The following MTHFD2L variants were observed in gnomAD, a reference collection of about 807,000 sequenced individuals.
The protein encoded by MTHFD2L is methylenetetrahydrofolate dehydrogenase (NADP+ dependent) 2 like, also known as bifunctional methylenetetrahydrofolate dehydrogenase/cyclohydrolase 2, mitochondrial.
Under a neutral mutation model 34.9 loss-of-function variants are expected in MTHFD2L, and 29 were observed. The observed-to-expected ratio is 0.83, with a 90% CI of 0.62 to 1.13. MTHFD2L has a LOEUF of 1.13. Ranked by LOEUF, MTHFD2L falls within the 50% of genes most tolerant of loss-of-function variation. The pLI, the probability that MTHFD2L is intolerant of heterozygous loss-of-function variation, is 0.00. For synonymous variants in MTHFD2L, 167 were observed against 155.7 expected (o/e 1.07, Z -0.54); for missense variants, 481 against 446.5 (o/e 1.08, Z -0.70).
chr4:74,197,171 T>C (rs534417325), intron 3 of MTHFD2L, among the ~76,000 whole-genome samples: 4 of 152,226 alleles, frequency 2.6e-5, no homozygotes, highest in South Asian at 4.2e-4. Flanking sequence ...GGGTAAGATA[T>C]TAAATGGTTG....
At chr4:74,278,183 C>A (rs969676292) in intron 6 of MTHFD2L, among the ~76,000 whole-genome samples, 7 of 152,094 alleles carry the variant, frequency 4.6e-5, no homozygotes, top group Non-Finnish European at 8.8e-5. Context: ...GATTTCTAGA[C>A]TGATTCTAAC....
At chr4:74,286,564 A>G (rs945491506) in intron 7 of MTHFD2L, among the ~76,000 whole-genome samples, 4 of 152,268 alleles carry the variant, frequency 2.6e-5, no homozygotes, top group African/African-American at 9.6e-5. Flanking sequence ...TCTTAATTAT[A>G]CCGTTCTTAA....
intron 5 of MTHFD2L, among the ~76,000 whole-genome samples, chr4:74,208,950 C>T (rs1191251814): frequency 3.3e-5 from 5 of 152,080 alleles, no homozygotes; most frequent in African/African-American, 1.2e-4. Flanking sequence ...AAATGTCAGT[C>T]CAGTCTCCCT....
chr4:74,142,708 C>T (rs1399651229), intron 1 of MTHFD2L, among the ~76,000 whole-genome samples: 1 of 152,172 alleles, frequency 6.6e-6, no homozygotes, highest in Non-Finnish European at 1.5e-5. Flanking sequence ...CTCCAAGTAC[C>T]TCCTTTCACA....
intron 6 of MTHFD2L, among the ~76,000 whole-genome samples, chr4:74,241,131 G>A (rs923478172): frequency 6.6e-6 from 1 of 152,150 alleles, no homozygotes; most frequent in Non-Finnish European, 1.5e-5. Context: ...GCAAGAATAT[G>A]AGGGAAAGAG....
intron 6 of MTHFD2L, among the ~76,000 whole-genome samples, chr4:74,277,413 A>G (rs1379151677): frequency 1.3e-5 from 2 of 151,678 alleles, no homozygotes; most frequent in Admixed American, 6.6e-5. Context: ...TCTTTATCTC[A>G]AGATGCCCCA....
At chr4:74,180,593 A>C (rs4694183) in intron 3 of MTHFD2L, 281,332 of 331,168 alleles carry the variant, frequency 0.85, 126,322 homozygotes, top group Non-Finnish European at 0.96. Context: ...GTTTCCATGC[A>C]TCTCATTTGA....
chr4:74,115,161 TCAAA>T (rs1375686591), intron 2 of MTHFD2L, among the ~76,000 whole-genome samples: 1 of 152,240 alleles, frequency 6.6e-6, no homozygotes, highest in Non-Finnish European at 1.5e-5. Context: ...TATTTCTTCT[TCAAA>T]TATCTATCTG....
chr4:74,143,806 A>G (rs1297863116), intron 1 of MTHFD2L, among the ~76,000 whole-genome samples: 1 of 152,228 alleles, frequency 6.6e-6, no homozygotes, highest in African/African-American at 2.4e-5. Flanking sequence ...TCAATAATAT[A>G]TAACTTATGA....
chr4:74,200,325 A>G (rs1734213950), intron 4 of MTHFD2L, among the ~76,000 whole-genome samples: 1 of 151,976 alleles, frequency 6.6e-6, no homozygotes, highest in Non-Finnish European at 1.5e-5. Context: ...AACAAAACAA[A>G]ACAAACAAAA....
chr4:74,237,261 A>G (rs529534824), intron 6 of MTHFD2L, among the ~76,000 whole-genome samples: 1 of 152,256 alleles, frequency 6.6e-6, no homozygotes, highest in Admixed American at 6.5e-5. Context: ...ACCATGTCTT[A>G]TTTATATTTG....
intron 6 of MTHFD2L, among the ~76,000 whole-genome samples, chr4:74,237,851 G>C (rs1015544004): frequency 6.6e-6 from 1 of 152,152 alleles, no homozygotes; most frequent in African/African-American, 2.4e-5. Flanking sequence ...GAGAGGCAAA[G>C]AATTAACTGA....
intron 1 of MTHFD2L, among the ~76,000 whole-genome samples, chr4:74,131,723 A>G (rs1722517562): frequency 6.6e-6 from 1 of 152,242 alleles, no homozygotes; most frequent in African/African-American, 2.4e-5. Flanking sequence ...AAAAGCCAAA[A>G]TTGACAAATG....
At chr4:74,207,784 C>T (rs571465121) in intron 5 of MTHFD2L, among the ~76,000 whole-genome samples, 81 of 75,666 alleles carry the variant, frequency 1.1e-3, no homozygotes, top group African/African-American at 6.3e-3. Context: ...TTTTTTTTTG[C>T]CAGCCTGGAA....
intron 6 of MTHFD2L, among the ~76,000 whole-genome samples, chr4:74,230,465 C>T (rs1453410514): frequency 3.3e-5 from 5 of 151,710 alleles, no homozygotes; most frequent in African/African-American, 1.2e-4. Context: ...TGGTGGGTGC[C>T]TGTAATCCCA....
intron 7 of MTHFD2L, among the ~76,000 whole-genome samples, chr4:74,298,043 T>A (rs936821658): frequency 6.6e-6 from 1 of 152,022 alleles, no homozygotes; most frequent in South Asian, 2.1e-4. Context: ...CAGACACAGA[T>A]ACTCATGAAA....
chr4:74,154,346 G>C (rs1372473501), upstream of MTHFD2L, among the ~76,000 whole-genome samples: 1 of 152,108 alleles, frequency 6.6e-6, no homozygotes, highest in African/African-American at 2.4e-5. Flanking sequence ...CTGAAAGGAA[G>C]TCACTATCAT....
At position 74,276,309 on chromosome 4, in the gene MTHFD2L, G is replaced by A. The variant is rs1416227033; in HGVS notation, c.806-5116G>A. On this transcript the variant is annotated intron_variant, in intron 6 of 7. Coordinates refer to ENST00000325278, the MANE Select transcript of MTHFD2L (RefSeq NM_001144978.3). ...GAGTTTCCTGGAGTAAGAAAGTTAT[G>A]TAGATGAGGACAGCTGAATAATAAA... is the stretch of plus-strand genomic sequence containing the variant. Among the ~76,000 whole-genome samples the A allele has an allele frequency of 3.3e-5, 5 of 152,208 alleles. No homozygotes were observed. In the South Asian group the frequency reaches 8.3e-4, roughly 25 times the overall value.
At chr4:74,174,176 T>C (rs1456115655) in intron 1 of MTHFD2L, among the ~76,000 whole-genome samples, 2 of 152,122 alleles carry the variant, frequency 1.3e-5, no homozygotes, top group Non-Finnish European at 2.9e-5. Flanking sequence ...GAGGGCTCTA[T>C]CCTCATGGTG....
Sources: gnomAD v4.1 joint callset for allele counts (sites outside exome capture counted in the v4.1 genomes callset) on GRCh38, gnomAD v4.1.1 for gene constraint, MANE v1.5 for transcripts, NCBI Gene and HGNC (gene_info 2026-07-23, HGNC 2026-07-21) for gene names.